Variants in ATP2B4 observed in about 807,000 individuals in gnomAD.
ATP2B4 encodes plasma membrane calcium-transporting ATPase 4.
Under a neutral mutation model 110.3 loss-of-function variants are expected in ATP2B4, and 39 were observed. The ratio of observed to expected loss-of-function variants is 0.35; its 90% CI spans 0.27 to 0.46. The LOEUF is 0.46. Among genes scored for constraint, ATP2B4 ranks in the 20% least tolerant of loss-of-function variants. The probability of loss-of-function intolerance (pLI) is 1.00; values close to 1 mark genes in which losing one functional copy is unlikely to be tolerated. For missense variants in ATP2B4, 1,135 were observed against 1,530.9 expected, an observed-to-expected ratio of 0.74 and a Z score of 4.32; for synonymous variants, 538 against 571.7, an observed-to-expected ratio of 0.94 and a Z score of 0.84.
At position 203,699,548 on chromosome 1, in the gene ATP2B4, C is replaced by T; in HGVS notation, c.480C>T (p.Ile160=). The T allele has an allele frequency of 6.2e-7, 1 of 1,614,180 alleles. No homozygotes were observed. Among genetic ancestry groups the T allele is most frequent in the Non-Finnish European group, 8.5e-7 (1 of 1,180,034 alleles). The change falls in exon 4 of 21, where the codon ATC becomes ATT. Residue 160 remains isoleucine, a synonymous_variant. Transcript: ENST00000357681. ...IEGAAILFSV[I]IVVLVTAFND... is the part of the protein sequence containing the mutation. ...GGGCAGCCATCCTTTTCTCAGTGAT[C>T]ATCGTGGTGTTAGTGACTGCCTTTA...
At chr1:203,666,532 G>A (rs982356079) in intron 1 of ATP2B4, among the ~76,000 whole-genome samples, 4 of 152,130 alleles carry the variant, frequency 2.6e-5, no homozygotes, top group African/African-American at 7.2e-5. Context: ...TTTGGCCCCC[G>A]TTCTTCGTGC....
intron 7 of ATP2B4, among the ~76,000 whole-genome samples, chr1:203,702,684 C>G (rs1052881169): frequency 3.3e-5 from 5 of 152,172 alleles, no homozygotes; most frequent in Non-Finnish European, 5.9e-5. Context: ...TCTCCGTCTT[C>G]TTGTTTGTGA....
At chr1:203,723,459 T>TCTCTCC (rs1558052460) in intron 18 of ATP2B4, among the ~76,000 whole-genome samples, 2 of 128,684 alleles carry the variant, frequency 1.6e-5, no homozygotes, top group African/African-American at 6.2e-5. Flanking sequence ...TCTCTCTCTC[T>TCTCTCC]CCCTCTGCCT....
Position 203,721,317 on chromosome 1 carries a change from C to A in ATP2B4, c.2719C>A (p.Arg907=). 18 of 1,614,136 alleles carry A rather than the reference C, an allele frequency of 1.1e-5. No individual in the cohort carries two copies. Among genetic ancestry groups the A allele is most frequent in the Non-Finnish European group, 1.5e-5 (18 of 1,180,022 alleles). ...ESLLKRRPYG[R]NKPLISRTMM... ...TCTGTTGAAGCGGCGCCCCTATGGC[C>A]GAAATAAGCCTCTGATCTCACGCAC... The change falls in exon 17 of 21, where the codon CGA becomes AGA. Residue 907 remains arginine (R), a synonymous_variant. Coordinates refer to ENST00000357681, the MANE Select transcript of ATP2B4 (RefSeq NM_001684.5).
intron 15 of ATP2B4, among the ~76,000 whole-genome samples, chr1:203,717,630 A>ATTTATTTATTTATTTG (rs1666198422): frequency 4.0e-5 from 5 of 123,796 alleles, no homozygotes; most frequent in African/African-American, 2.4e-4. Flanking sequence ...TATTTATTTT[A>ATTTATTTATTTATTTG]TTTATTTATT....
At chr1:203,660,832 T>C (rs1022593727) in intron 1 of ATP2B4, among the ~76,000 whole-genome samples, 2 of 151,430 alleles carry the variant, frequency 1.3e-5, no homozygotes, top group Non-Finnish European at 2.9e-5. Flanking sequence ...GCACAGGGAC[T>C]GGGCACGGTG....
At chr1:203,738,776 G>C (rs1006046053) in intron 20 of ATP2B4, among the ~76,000 whole-genome samples, 9 of 152,204 alleles carry the variant, frequency 5.9e-5, no homozygotes, top group Non-Finnish European at 1.2e-4. Flanking sequence ...CAGGAGGAAG[G>C]CATCTTTTGA....
intron 1 of ATP2B4, among the ~76,000 whole-genome samples, chr1:203,653,333 T>C (rs1664053953): frequency 6.6e-6 from 1 of 152,204 alleles, no homozygotes; most frequent in Non-Finnish European, 1.5e-5. Context: ...AGAGAAGCTG[T>C]CTCCACAACG....
At chr1:203,724,769 A>G (rs75330679) in intron 19 of ATP2B4, among the ~76,000 whole-genome samples, 2,034 of 151,756 alleles carry the variant, frequency 0.013, 39 homozygotes, top group African/African-American at 0.044. Flanking sequence ...CTTACCTGAG[A>G]TAAATTCAGA....
At chr1:203,704,116 C>T (rs1482948613) in intron 8 of ATP2B4, among the ~76,000 whole-genome samples, 1 of 152,154 alleles carries the variant, frequency 6.6e-6, no homozygotes, top group African/African-American at 2.4e-5. Flanking sequence ...AGAAGGAAGA[C>T]TTTAATAACT....
intron 6 of ATP2B4, among the ~76,000 whole-genome samples, chr1:203,701,633 A>C (rs2236549): frequency 6.6e-6 from 1 of 152,072 alleles, no homozygotes; most frequent in Non-Finnish European, 1.5e-5. Flanking sequence ...TCATTTCTGC[A>C]GCTGCCTGCA....
At chr1:203,735,489 A>G (rs1030677054) in intron 20 of ATP2B4, among the ~76,000 whole-genome samples, 4 of 151,650 alleles carry the variant, frequency 2.6e-5, no homozygotes, top group African/African-American at 7.3e-5. Flanking sequence ...TCCCAACCTC[A>G]CCACCCCCCA....
chr1:203,677,957 T>C (rs1399972194), intron 1 of ATP2B4, among the ~76,000 whole-genome samples: 1 of 152,120 alleles, frequency 6.6e-6, no homozygotes, highest in African/African-American at 2.4e-5. Context: ...AAGGACAGAG[T>C]AGGGCAGGGC....
Position 203,659,776 on chromosome 1 carries a change from C to A in ATP2B4, c.-464-22966C>A, listed in dbSNP as rs1558020112. On this transcript the variant is annotated intron_variant, in intron 1 of 20. Coordinates refer to ENST00000357681, the MANE Select transcript of ATP2B4 (RefSeq NM_001684.5). ...TCCAGCCTGGTTGGCAGGGTGAGAC[C>A]CTGTTGCTAAAAAAAATATATAAAA... Among the ~76,000 whole-genome samples, 3 of 151,738 alleles carry A rather than the reference C, an allele frequency of 2.0e-5. No individual in the cohort carries two copies. The East Asian group carries it at 5.8e-4, about 29-fold the overall frequency.
At position 203,722,566 on chromosome 1, in the gene ATP2B4, C is replaced by T. The variant is rs531305517; in HGVS notation, c.2901C>T (p.Phe967=). The part of the protein sequence containing the change: ...SQHYTIVFNT[F]VLMQLFNEIN... ...ACTATACCATTGTTTTTAACACCTT[C>T]GTGCTGATGCAGCTCTTCAATGAAA... Residue 967 remains phenylalanine, a synonymous_variant, in exon 18 of 21, where the codon TTC becomes TTT. Transcript: ENST00000357681. 2.3e-5 allele frequency: 37 copies of T among 1,614,050 alleles called. No homozygotes were observed. In the Middle Eastern group the frequency reaches 4.9e-4, roughly 22 times the overall value.
At chr1:203,646,712 G>A (rs1343721368) in intron 1 of ATP2B4, among the ~76,000 whole-genome samples, 2 of 152,156 alleles carry the variant, frequency 1.3e-5, no homozygotes, top group African/African-American at 4.8e-5. Flanking sequence ...ACAGTGAGCC[G>A]AGATTGTGCC....
intron 1 of ATP2B4, among the ~76,000 whole-genome samples, chr1:203,661,410 G>A (rs530742865): frequency 7.9e-5 from 12 of 152,254 alleles, no homozygotes; most frequent in African/African-American, 2.6e-4. Context: ...CAAGGTTGTT[G>A]AGAGGATCAA....
At chr1:203,735,938 T>A (rs958989032) in intron 20 of ATP2B4, among the ~76,000 whole-genome samples, 8 of 152,102 alleles carry the variant, frequency 5.3e-5, no homozygotes, top group Non-Finnish European at 8.8e-5. Flanking sequence ...TGGTAGAGGG[T>A]GTGCTCCAAA....
At chr1:203,698,407 C>G in intron 3 of ATP2B4, 53 bp downstream of exon 3, 1 of 1,567,944 alleles carries the variant, frequency 6.4e-7, no homozygotes, top group Non-Finnish European at 8.8e-7. Flanking sequence ...TTTCCACCAC[C>G]ACCACCAAGC....
Sources: gnomAD v4.1 joint callset for allele counts (sites outside exome capture counted in the v4.1 genomes callset) on GRCh38, gnomAD v4.1.1 for gene constraint, MANE v1.5 for transcripts, NCBI Gene and HGNC (gene_info 2026-07-23, HGNC 2026-07-21) for gene names.